Variants in ZNF107 observed in about 807,000 individuals in gnomAD.
The protein encoded by ZNF107 is zinc finger protein 107, also known as C2H2 type zinc-finger protein.
Under a neutral mutation model 12.3 loss-of-function variants are expected in ZNF107, and 19 were observed. The ratio of observed to expected loss-of-function variants is 1.55; its 90% confidence interval spans 1.08 to 2.27. ZNF107 has a LOEUF of 2.27. ZNF107 is among the 30% of genes most tolerant of loss of function. The probability of loss-of-function intolerance (pLI) is 0.00; values close to 1 mark genes in which losing one functional copy is unlikely to be tolerated. For synonymous variants in ZNF107, 317 were observed against 330.5 expected (o/e 0.96, Z 0.44); for missense variants, 958 against 979.9 (o/e 0.98, Z 0.30).
chr7:64,684,691 A>T (rs1253759447), intron 1 of ZNF107: 1 of 984,744 alleles, frequency 1.0e-6, no homozygotes, highest in Non-Finnish European at 1.2e-6. Context: ...TCATCCCCAA[A>T]CTCCCACCTT....
chr7:64,705,376 T>C (rs952940125), intron 3 of ZNF107, among the ~76,000 whole-genome samples: 3 of 151,966 alleles, frequency 2.0e-5, no homozygotes, highest in African/African-American at 7.3e-5. Flanking sequence ...ATTTTTCTGA[T>C]TTTCAATAGT....
rs765413029 is a variant in ZNF107 at position 64,708,121 on chromosome 7, A to C, written c.2024A>C (p.Lys675Thr). The C allele has an allele frequency of 8.7e-6, 14 of 1,612,516 alleles. No individual in the cohort carries two copies. The highest frequency in any genetic ancestry group is 1.2e-5 in the Non-Finnish European group (14 of 1,179,582). Residue 675 changes from lysine (K) to threonine (T), a missense_variant, in exon 4 of 4, where the codon AAA becomes ACA. Physicochemically the swap from Lys to Thr is moderately conservative, Grantham distance 78 (BLOSUM62 -1). Coordinates refer to ENST00000620827, the MANE Select transcript of ZNF107 (RefSeq NM_001282359.2). Reference sequence around the variant, plus strand: ...CATAAGATAATTTATACTGGAGAGAAACCCCACAAATGTGAAGAATGTGGA... The same window carrying C: ...CATAAGATAATTTATACTGGAGAGACACCCCACAAATGTGAAGAATGTGGA... Reference protein sequence around the residue: ...TNHKIIYTGEKPHKCEECGKA... With the variant: ...TNHKIIYTGETPHKCEECGKA...
chr7:64,699,844 G>A (rs1374627204), intron 3 of ZNF107, among the ~76,000 whole-genome samples: 8 of 151,898 alleles, frequency 5.3e-5, no homozygotes, highest in African/African-American at 2.4e-5. Context: ...CGAGGCGGGC[G>A]GACCACTAGG....
rs1413399367 is a variant in ZNF107 at position 64,708,510 on chromosome 7, A to C, written c.2413A>C (p.Asn805His). 1.9e-6 allele frequency: 3 copies of C among 1,613,096 alleles called. No homozygotes were observed. The highest frequency in any genetic ancestry group is 2.5e-6 in the Non-Finnish European group (3 of 1,179,620). ...ATCCTTTAACCAGTTCTCATCTCTT[A>C]ATATACATAAGATAATTCATACTGG... Reference protein sequence around the residue: ...GKSFNQFSSLNIHKIIHTGEK... With the variant: ...GKSFNQFSSLHIHKIIHTGEK... Residue 805 changes from asparagine to histidine, a missense_variant, in exon 4 of 4, where the codon AAT becomes CAT. Asn to His is a moderately conservative substitution (Grantham distance 68). Transcript: ENST00000620827.
At chr7:64,697,793 C>G (rs1044354196) in intron 3 of ZNF107, among the ~76,000 whole-genome samples, 5 of 151,842 alleles carry the variant, frequency 3.3e-5, no homozygotes, top group Admixed American at 3.3e-4. Flanking sequence ...CGGGTTCACG[C>G]CATTCTCCTG....
chr7:64,684,644 T>C, intron 1 of ZNF107: 1 of 985,396 alleles, frequency 1.0e-6, no homozygotes, highest in Non-Finnish European at 1.2e-6. Context: ...TTCTTCACCC[T>C]CTTCCTCCAC....
intron 3 of ZNF107, among the ~76,000 whole-genome samples, chr7:64,692,949 A>G (rs962700063): frequency 4.6e-5 from 7 of 151,998 alleles, no homozygotes; most frequent in Non-Finnish European, 7.4e-5. Flanking sequence ...GCAACCAGCA[A>G]CTTTTTACTT....
chr7:64,686,396 C>A, intron 1 of ZNF107: 1 of 448,504 alleles, frequency 2.2e-6, no homozygotes, highest in Non-Finnish European at 2.9e-6. Context: ...TATTACCAAT[C>A]AATCTATGCG....
At position 64,709,066 on chromosome 7, in the gene ZNF107, A is replaced by G; in HGVS notation, c.*410A>G. ...CTCTATAGTTGTGAAGAATGTGGCA[A>G]AGCTTTTAACCAATCCTCATACCTT... On this transcript the variant is annotated 3_prime_UTR_variant, in exon 4 of 4. Transcript: ENST00000620827. The G allele has an allele frequency of 2.2e-6, 1 of 461,518 alleles. No homozygotes were observed. Among genetic ancestry groups the G allele is most frequent in the Non-Finnish European group, 4.3e-6 (1 of 230,264 alleles). 28.6% of individuals were successfully genotyped at this position (461,518 alleles called of 1,614,324 possible). A position where few individuals can be genotyped will look rare whatever the true frequency, so the allele number is the denominator to read the frequency against.
chr7:64,706,422 G>A lies in ZNF107; in HGVS notation c.325G>A (p.Glu109Lys). ...TLRRYGKCEY[E>K]NLQLRKGCKH... ...GAGAAGATACGGAAAATGTGAATAT[G>A]AGAATTTACAGTTAAGAAAAGGCTG... The change falls in exon 4 of 4, where the codon GAG becomes AAG. Residue 109 changes from glutamate (E) to lysine (K), a missense_variant. Coordinates refer to ENST00000620827, the MANE Select transcript of ZNF107 (RefSeq NM_001282359.2). The A allele has an allele frequency of 6.2e-7, 1 of 1,613,566 alleles. No homozygotes were observed. The highest frequency in any genetic ancestry group is 8.5e-7 in the Non-Finnish European group (1 of 1,179,646).
chr7:64,709,253 C>G lies in ZNF107; in HGVS notation c.*597C>G, dbSNP rs1354081445. 2.7e-6 allele frequency: 1 copy of G among 372,242 alleles called. No homozygotes were observed. The highest frequency in any genetic ancestry group is 5.3e-6 in the Non-Finnish European group (1 of 188,012). The allele number at this position is 372,242 out of a possible 1,614,324, so 23.1% of individuals were successfully genotyped here. The stretch of plus-strand genomic sequence containing the variant: ...CAAAGCTTTTAACTGATTCTCAACT[C>G]TTACTACATGTAAGAGTATTTATAC... On this transcript the variant is annotated 3_prime_UTR_variant, in exon 4 of 4. Coordinates refer to ENST00000620827, the MANE Select transcript of ZNF107 (RefSeq NM_001282359.2).
chr7:64,688,862 C>T (rs1790017342), intron 1 of ZNF107, among the ~76,000 whole-genome samples: 1 of 152,172 alleles, frequency 6.6e-6, no homozygotes, highest in South Asian at 2.1e-4. Context: ...CTGTAACCCA[C>T]ACCCTATAGC....
intron 1 of ZNF107, among the ~76,000 whole-genome samples, chr7:64,677,948 G>C (rs1046194252): frequency 4.0e-5 from 6 of 151,560 alleles, no homozygotes; most frequent in Non-Finnish European, 7.4e-5. Flanking sequence ...GAAATAAGAG[G>C]CTTTATTCTC....
chr7:64,697,204 G>A (rs372877818), intron 3 of ZNF107, among the ~76,000 whole-genome samples: 7 of 151,224 alleles, frequency 4.6e-5, no homozygotes, highest in South Asian at 2.1e-4. Context: ...CATTTTCTTA[G>A]TCCAGTCTAT....
Position 64,707,156 on chromosome 7 carries a change from C to A in ZNF107, c.1059C>A (p.Ser353=). Residue 353 remains serine (S), a synonymous_variant, in exon 4 of 4, where the codon TCC becomes TCA. Transcript: ENST00000620827. ...AATGTGGCAGAGCTTTTAACATATCCTCAAACCTTAATAAACAGGAGAAAA... is the reference window on the plus strand; with the variant it reads ...AATGTGGCAGAGCTTTTAACATATCATCAAACCTTAATAAACAGGAGAAAA... The part of the protein sequence containing the change: ...CKECGRAFNI[S]SNLNKQEKIH... 1 of 1,612,546 alleles carries A rather than the reference C, an allele frequency of 6.2e-7. No individual in the cohort carries two copies. Among genetic ancestry groups the A allele is most frequent in the Non-Finnish European group, 8.5e-7 (1 of 1,179,516 alleles).
In ZNF107 at chr7:64,666,205, C is replaced by T. The variant is rs1032801058; in HGVS notation, c.-78C>T. 4.5e-5 allele frequency: 70 copies of T among 1,572,534 alleles called. No individual in the cohort carries two copies. Among genetic ancestry groups the T allele is most frequent in the Non-Finnish European group, 6.0e-5 (69 of 1,149,118 alleles). ...CTCAGTGTCCTCTGCTCCTAGAGGC[C>T]CAGCCTCTGTGTCCCTGTGACCTGC... is the stretch of plus-strand genomic sequence containing the variant. On this transcript the variant is annotated 5_prime_UTR_variant, in exon 1 of 4. Coordinates refer to ENST00000620827, the MANE Select transcript of ZNF107 (RefSeq NM_001282359.2).
chr7:64,680,475 T>C (rs770524698), intron 1 of ZNF107, among the ~76,000 whole-genome samples: 3 of 152,084 alleles, frequency 2.0e-5, no homozygotes, highest in Non-Finnish European at 4.4e-5. Flanking sequence ...GGACCCCCAG[T>C]GGAACTATCA....
chr7:64,690,321 G>A, intron 1 of ZNF107: 5 of 975,536 alleles, frequency 5.1e-6, no homozygotes, highest in Non-Finnish European at 6.1e-6. Context: ...CAGTTGATGG[G>A]TTGAGCAGAG....
chr7:64,701,206 G>GT (rs1295240961), intron 3 of ZNF107, among the ~76,000 whole-genome samples: 1 of 151,908 alleles, frequency 6.6e-6, no homozygotes, highest in Non-Finnish European at 1.5e-5. Flanking sequence ...CCCAATTGTG[G>GT]TTACTATTTG....
Sources: allele counts gnomAD v4.1 joint callset (sites outside exome capture counted in the v4.1 genomes callset), GRCh38; gene constraint gnomAD v4.1.1; transcripts MANE v1.5; gene names NCBI Gene and HGNC (gene_info 2026-07-23, HGNC 2026-07-21).